The following SDK1 variants were observed in gnomAD, a reference collection of about 807,000 sequenced individuals.
SDK1 encodes the protein sidekick cell adhesion molecule 1.
SDK1 carries 157 observed loss-of-function variants against 245.5 expected under a neutral mutation model. The observed-to-expected ratio is 0.64, with a 90% CI of 0.56 to 0.73. The LOEUF (loss-of-function observed/expected upper bound fraction) is 0.73, where lower values mean the gene tolerates loss of function less well. Ranked by LOEUF, SDK1 falls within the 30% of genes least tolerant of loss-of-function variation. The pLI, the probability that SDK1 is intolerant of heterozygous loss-of-function variation, is 0.00. For missense variants in SDK1, 3,583 were observed against 3,002.3 expected (o/e 1.19, Z -4.52); for synonymous variants, 1,647 against 1,278.5 (o/e 1.29, Z -6.15).
chr7:3,677,024 A>G (rs1402209286), intron 4 of SDK1, among the ~76,000 whole-genome samples: 4 of 152,002 alleles, frequency 2.6e-5, no homozygotes, highest in Admixed American at 2.0e-4. Flanking sequence ...GGATTCCTGC[A>G]CCTCTTGGCC....
intron 4 of SDK1, among the ~76,000 whole-genome samples, chr7:3,787,959 G>A (rs1225841396): frequency 6.6e-6 from 1 of 152,212 alleles, no homozygotes; most frequent in African/African-American, 2.4e-5. Flanking sequence ...GAAAGGAACT[G>A]AATAGGAGAG....
At chr7:3,413,487 G>C (rs1314528492) in intron 1 of SDK1, among the ~76,000 whole-genome samples, 1 of 152,176 alleles carries the variant, frequency 6.6e-6, no homozygotes, top group Admixed American at 6.5e-5. Flanking sequence ...TTGAGGTCAA[G>C]AGTTTGAGAC....
At chr7:3,438,126 T>G (rs1780083402) in intron 1 of SDK1, among the ~76,000 whole-genome samples, 1 of 152,224 alleles carries the variant, frequency 6.6e-6, no homozygotes, top group Admixed American at 6.5e-5. Flanking sequence ...ATCCTGCCTT[T>G]GCCCCAGAGT....
At position 3,406,767 on chromosome 7, in the gene SDK1, C is replaced by T. The variant is rs532711644; in HGVS notation, c.298+104883C>T. 2.6e-5 allele frequency among the ~76,000 whole-genome samples: 4 copies of T among 152,224 alleles called. 1 individual carries two copies. The highest frequency in any genetic ancestry group is 4.1e-4 in the South Asian group (2 of 4,828). On this transcript the variant is annotated intron_variant, in intron 1 of 44. Coordinates refer to ENST00000404826, the MANE Select transcript of SDK1 (RefSeq NM_152744.4). ...AGCATGCACAATGTCCATGTAGGAA[C>T]ATACCCATATATACAGGAGACTTAA...
intron 2 of SDK1, among the ~76,000 whole-genome samples, chr7:3,625,408 C>G (rs10951265): frequency 0.25 from 37,833 of 152,158 alleles, 5,681 homozygotes; most frequent in Non-Finnish European, 0.34. Flanking sequence ...ACAGTTCTGT[C>G]TCTAATAACT....
intron 1 of SDK1, among the ~76,000 whole-genome samples, chr7:3,492,953 T>C (rs1196764523): frequency 2.0e-5 from 3 of 152,168 alleles, no homozygotes; most frequent in Non-Finnish European, 4.4e-5. Flanking sequence ...TTTATTTTTT[T>C]ATTTTTCTAT....
At chr7:4,179,646 C>T (rs1782475174) in intron 35 of SDK1, among the ~76,000 whole-genome samples, 1 of 152,014 alleles carries the variant, frequency 6.6e-6, no homozygotes, top group Non-Finnish European at 1.5e-5. Context: ...CACTCAGAGC[C>T]ACCGAGGTAC....
At chr7:3,422,626 C>T (rs184543781) in intron 1 of SDK1, among the ~76,000 whole-genome samples, 1 of 152,218 alleles carries the variant, frequency 6.6e-6, no homozygotes, top group Admixed American at 6.5e-5. Flanking sequence ...GACCCCATCA[C>T]ACACACCCAG....
chr7:4,241,606 A>G lies in SDK1; in HGVS notation c.6131-187A>G, dbSNP rs112233508. Among the ~76,000 whole-genome samples the G allele has an allele frequency of 1.1e-3, 173 of 152,354 alleles. 1 individual carries two copies. Among genetic ancestry groups the G allele is most frequent in the African/African-American group, 3.9e-3 (164 of 41,574 alleles). ...ATGCTAATATTGTCACTTTGCTCCA[A>G]CACTGTGATCAGTACCTAGCTCTTC... is the stretch of plus-strand genomic sequence containing the variant. On this transcript the variant is annotated intron_variant, in intron 42 of 44. Transcript: ENST00000404826.
In SDK1 at chr7:3,743,753, A is replaced by G. The variant is rs79885053; in HGVS notation, c.714-77697A>G. Among the ~76,000 whole-genome samples the G allele has an allele frequency of 6.0e-3, 912 of 152,236 alleles. 10 individuals carry two copies. The highest frequency in any genetic ancestry group is 0.021 in the African/African-American group (854 of 41,536). ...ATATCACCACTGTGTGTACGAAAAA[A>G]ATGATATAAAGAGTTGAACCGAGTG... is the stretch of plus-strand genomic sequence containing the variant. On this transcript the variant is annotated intron_variant, in intron 4 of 44. Coordinates refer to ENST00000404826, the MANE Select transcript of SDK1 (RefSeq NM_152744.4).
chr7:3,701,986 T>C (rs976090277), intron 4 of SDK1, among the ~76,000 whole-genome samples: 52 of 151,494 alleles, frequency 3.4e-4, no homozygotes, highest in Non-Finnish European at 6.0e-4. Context: ...CCCTAATCTT[T>C]ATATAAAAAT....
chr7:4,145,931 G>A lies in SDK1; in HGVS notation c.4423+15G>A. 4 of 1,585,684 alleles carry A rather than the reference G, an allele frequency of 2.5e-6. No homozygotes were observed. The highest frequency in any genetic ancestry group is 3.4e-6 in the Non-Finnish European group (4 of 1,166,260). ...CGAGAAGAGAGGTAAGACCTTGGGG[G>A]ACCCGGGGGTACTGCAGATGTTGTG... is the stretch of plus-strand genomic sequence containing the variant. On this transcript the variant is annotated intron_variant, in intron 29 of 44. Coordinates refer to ENST00000404826, the MANE Select transcript of SDK1 (RefSeq NM_152744.4).
chr7:3,895,894 A>G (rs1387459236), intron 5 of SDK1, among the ~76,000 whole-genome samples: 1 of 152,180 alleles, frequency 6.6e-6, no homozygotes, highest in Non-Finnish European at 1.5e-5. Flanking sequence ...GATTTTCCAG[A>G]TAACTTTCTG....
intron 5 of SDK1, among the ~76,000 whole-genome samples, chr7:3,932,089 G>A (rs969534221): frequency 2.0e-5 from 3 of 152,162 alleles, no homozygotes; most frequent in Non-Finnish European, 4.4e-5. Context: ...ACACTGACCA[G>A]CTTGGTTCTT....
intron 5 of SDK1, among the ~76,000 whole-genome samples, chr7:3,913,171 G>T (rs1779239551): frequency 6.6e-6 from 1 of 152,174 alleles, no homozygotes; most frequent in South Asian, 2.1e-4. Flanking sequence ...CAGGGCATCG[G>T]TATGGAAATG....
At chr7:3,302,688 C>G (rs1436042522) in intron 1 of SDK1, among the ~76,000 whole-genome samples, 1 of 145,934 alleles carries the variant, frequency 6.9e-6, no homozygotes. Context: ...GTTTGCTGGT[C>G]TTTAAACCAA....
At position 3,838,440 on chromosome 7, in the gene SDK1, G is replaced by A. The variant is rs117456729; in HGVS notation, c.847+16857G>A. Among the ~76,000 whole-genome samples the A allele has an allele frequency of 1.6e-4, 25 of 152,360 alleles. No individual in the cohort carries two copies. The East Asian group carries it at 3.9e-3, about 24-fold the overall frequency. On this transcript the variant is annotated intron_variant, in intron 5 of 44. Transcript: ENST00000404826. The stretch of plus-strand genomic sequence containing the variant: ...CTGAGACCTAAAGGTTGAGTAAGAG[G>A]CAGTCAGCTGAGGCATTGGGAAGAG...
chr7:3,653,288 T>C (rs1304866991), intron 4 of SDK1, among the ~76,000 whole-genome samples: 1 of 152,148 alleles, frequency 6.6e-6, no homozygotes, highest in African/African-American at 2.4e-5. Context: ...CCCTCCTCAC[T>C]CCAGGGTCCA....
chr7:3,446,763 G>T (rs1039849536), intron 1 of SDK1, among the ~76,000 whole-genome samples: 43 of 152,276 alleles, frequency 2.8e-4, no homozygotes, highest in African/African-American at 9.9e-4. Context: ...GTACTGCAAA[G>T]AATAGTTAAT....
Sources: gnomAD v4.1 joint callset for allele counts (sites outside exome capture counted in the v4.1 genomes callset) on GRCh38, gnomAD v4.1.1 for gene constraint, MANE v1.5 for transcripts, NCBI Gene and HGNC (gene_info 2026-07-23, HGNC 2026-07-21) for gene names.